The following CHST11 variants were observed in gnomAD, a reference collection of about 807,000 sequenced individuals.
The protein encoded by CHST11 is C4S-1.
CHST11 carries 9 observed loss-of-function variants against 30.4 expected under a neutral mutation model. The ratio of observed to expected loss-of-function variants is 0.30; its 90% confidence interval spans 0.18 to 0.52. The LOEUF (loss-of-function observed/expected upper bound fraction) is 0.52, where lower values mean the gene tolerates loss of function less well. Among genes scored for constraint, CHST11 ranks in the 20% least tolerant of loss-of-function variants. CHST11 has a pLI of 0.97. For synonymous variants in CHST11, 152 were observed against 187.8 expected, an observed-to-expected ratio of 0.81 and a Z score of 1.56; for missense variants, 348 against 460.6, an observed-to-expected ratio of 0.76 and a Z score of 2.24.
At chr12:104,604,104 T>C (rs1453256846) in intron 2 of CHST11, among the ~76,000 whole-genome samples, 5 of 152,150 alleles carry the variant, frequency 3.3e-5, no homozygotes, top group Admixed American at 3.3e-4. Context: ...ATGATTTGAC[T>C]GGCGAGGCAG....
intron 1 of CHST11, among the ~76,000 whole-genome samples, chr12:104,586,437 A>G (rs926439645): frequency 2.6e-5 from 4 of 152,216 alleles, no homozygotes; most frequent in African/African-American, 9.6e-5. Context: ...TGAGTGTGAG[A>G]TTATCCTGGG....
chr12:104,642,322 C>T (rs986362228), intron 2 of CHST11, among the ~76,000 whole-genome samples: 12 of 152,122 alleles, frequency 7.9e-5, no homozygotes, highest in African/African-American at 1.9e-4. Context: ...AATTACAAAG[C>T]GACATGCATA....
chr12:104,669,112 G>A (rs1423543448), intron 2 of CHST11, among the ~76,000 whole-genome samples: 1 of 152,222 alleles, frequency 6.6e-6, no homozygotes, highest in Admixed American at 6.5e-5. Flanking sequence ...GCACCCCTCT[G>A]CAAGCACAGG....
At chr12:104,738,198 CTGCCCTGTCATT>C (rs1470715781) in intron 2 of CHST11, among the ~76,000 whole-genome samples, 8 of 152,168 alleles carry the variant, frequency 5.3e-5, no homozygotes, top group Non-Finnish European at 1.2e-4. Context: ...GCAGACCGGC[CTGCCCTGTCATT>C]TTGGGCATAA....
chr12:104,546,999 A>G (rs1408767263), intron 1 of CHST11, among the ~76,000 whole-genome samples: 1 of 152,232 alleles, frequency 6.6e-6, no homozygotes, highest in African/African-American at 2.4e-5. Context: ...AACCAAGGGG[A>G]GAACTCACTT....
chr12:104,750,464 C>G lies in CHST11; in HGVS notation c.205-6485C>G, dbSNP rs575776888. The stretch of plus-strand genomic sequence containing the variant: ...TTTTTTTTTTTTTTTTTTGTTGAGA[C>G]TGAGTCTCGCTCTGTCACCCAGGCC... On this transcript the variant is annotated intron_variant, in intron 2 of 2. Transcript: ENST00000303694. Among the ~76,000 whole-genome samples the G allele has an allele frequency of 6.6e-4, 21 of 31,870 alleles. 1 individual carries two copies. In the Admixed American group the frequency reaches 0.01, roughly 16 times the overall value. 20.9% of individuals were successfully genotyped at this position (31,870 alleles called of 152,430 possible).
At chr12:104,566,504 C>A (rs779742361) in intron 1 of CHST11, among the ~76,000 whole-genome samples, 2 of 152,172 alleles carry the variant, frequency 1.3e-5, no homozygotes, top group Non-Finnish European at 2.9e-5. Flanking sequence ...TCCTCCATCC[C>A]CACAGGTCCT....
chr12:104,559,641 G>T (rs960550664), intron 1 of CHST11, among the ~76,000 whole-genome samples: 2 of 152,212 alleles, frequency 1.3e-5, no homozygotes, highest in African/African-American at 4.8e-5. Context: ...TACTCTGGAG[G>T]CTGAAGTGGG....
chr12:104,718,231 G>A (rs2040146813), intron 2 of CHST11, among the ~76,000 whole-genome samples: 1 of 152,240 alleles, frequency 6.6e-6, no homozygotes, highest in South Asian at 2.1e-4. Flanking sequence ...CTGTGGTACA[G>A]AGGGGTTTTG....
intron 1 of CHST11, among the ~76,000 whole-genome samples, chr12:104,590,442 C>T (rs2038846830): frequency 6.6e-6 from 1 of 152,194 alleles, no homozygotes; most frequent in Non-Finnish European, 1.5e-5. Context: ...TTGGGAAAGG[C>T]ACTTCCATTC....
intron 1 of CHST11, among the ~76,000 whole-genome samples, chr12:104,549,173 T>C (rs2038381513): frequency 6.6e-6 from 1 of 152,192 alleles, no homozygotes. Context: ...AGTGGGGCTG[T>C]GCAGTCCTGC....
intron 2 of CHST11, among the ~76,000 whole-genome samples, chr12:104,706,126 G>A (rs975279782): frequency 4.6e-5 from 7 of 151,884 alleles, no homozygotes; most frequent in African/African-American, 1.5e-4. Flanking sequence ...GCTCACGCCT[G>A]TAATCCCAGC....
intron 1 of CHST11, among the ~76,000 whole-genome samples, chr12:104,528,160 A>T (rs933317865): frequency 2.6e-5 from 4 of 152,238 alleles, no homozygotes; most frequent in African/African-American, 9.6e-5. Flanking sequence ...TGTCCGTGAT[A>T]ACACTAGTAA....
intron 1 of CHST11, among the ~76,000 whole-genome samples, chr12:104,536,878 T>C (rs1413266033): frequency 1.3e-5 from 2 of 152,294 alleles, no homozygotes; most frequent in Non-Finnish European, 2.9e-5. Context: ...GCCTGGAACA[T>C]GTTTGATGGC....
intron 1 of CHST11, among the ~76,000 whole-genome samples, chr12:104,538,227 T>C (rs1592751860): frequency 6.6e-6 from 1 of 152,346 alleles, no homozygotes; most frequent in East Asian, 1.9e-4. Flanking sequence ...CTTGCCCATT[T>C]TGAGGCATGT....
chr12:104,564,141 C>G (rs530854438), intron 1 of CHST11, among the ~76,000 whole-genome samples: 10 of 152,294 alleles, frequency 6.6e-5, no homozygotes, highest in African/African-American at 7.2e-5. Context: ...GAGCACCCCC[C>G]AGAGTGGGCT....
chr12:104,457,566 T>C lies in CHST11; in HGVS notation c.118+37T>C, dbSNP rs1262734484. The C allele has an allele frequency of 2.1e-6, 3 of 1,419,268 alleles. No homozygotes were observed. In the African/African-American group the frequency reaches 4.2e-5, roughly 20 times the overall value. The allele number at this position is 1,419,268 out of a possible 1,614,324, so 87.9% of individuals were successfully genotyped here. Reference sequence around the variant, plus strand: ...GTTAGCGTGGTTTTGTTGGATATTTTCTTCTCTCTCGCGCTCTAGCTCGCT... The same window carrying C: ...GTTAGCGTGGTTTTGTTGGATATTTCCTTCTCTCTCGCGCTCTAGCTCGCT... On this transcript the variant is annotated intron_variant, in intron 1 of 2. Transcript: ENST00000303694.
chr12:104,742,961 C>A (rs1426286569), intron 2 of CHST11, among the ~76,000 whole-genome samples: 1 of 152,244 alleles, frequency 6.6e-6, no homozygotes, highest in African/African-American at 2.4e-5. Context: ...CAGCCACAGG[C>A]TCTAAGCCAG....
intron 2 of CHST11, among the ~76,000 whole-genome samples, chr12:104,726,847 T>C (rs886423357): frequency 6.6e-6 from 1 of 152,232 alleles, no homozygotes; most frequent in African/African-American, 2.4e-5. Context: ...AGATCTGATA[T>C]ATCTGAACAA....
Sources: allele counts gnomAD v4.1 joint callset (sites outside exome capture counted in the v4.1 genomes callset), GRCh38; gene constraint gnomAD v4.1.1; transcripts MANE v1.5; gene names NCBI Gene and HGNC (gene_info 2026-07-23, HGNC 2026-07-21).